The following EPS15 variants were observed in gnomAD, a reference collection of about 807,000 sequenced individuals.
EPS15 encodes epidermal growth factor receptor pathway substrate 15, also known as epidermal growth factor receptor substrate 15.
In EPS15, 72 loss-of-function variants were observed where a neutral mutation model predicts 113.8. The ratio of observed to expected loss-of-function variants is 0.63; its 90% CI spans 0.52 to 0.77. EPS15 has a LOEUF of 0.77. Ranked by LOEUF, EPS15 falls within the 30% of genes least tolerant of loss-of-function variation. The pLI is 0.00. For missense variants in EPS15, 1,048 were observed against 1,045.8 expected (o/e 1.00, Z -0.03); for synonymous variants, 344 against 363.4 (o/e 0.95, Z 0.61).
At chr1:51,458,790 C>A (rs970937715) in intron 8 of EPS15, 2 of 218,152 alleles carry the variant, frequency 9.2e-6, no homozygotes, top group Non-Finnish European at 1.9e-5. Flanking sequence ...TACATCGTAC[C>A]ATGCAAAGAT....
intron 2 of EPS15, 102 bp downstream of exon 2, chr1:51,481,171 C>T (rs1055845241): frequency 6.9e-6 from 5 of 727,548 alleles, no homozygotes; most frequent in Non-Finnish European, 1.2e-5. Context: ...AAACAAGACA[C>T]ATCAAATTTA....
Position 51,403,530 on chromosome 1 carries a change from T to C in EPS15, c.1680A>G (p.Ala560=). 6.4e-7 allele frequency: 1 copy of C among 1,555,942 alleles called. No homozygotes were observed. Among genetic ancestry groups the C allele is most frequent in the Non-Finnish European group, 8.8e-7 (1 of 1,142,642 alleles). The change falls in exon 17 of 25, where the codon GCA becomes GCG. Residue 560 remains alanine, a splice_region_variant and synonymous_variant. Coordinates refer to ENST00000371733, the MANE Select transcript of EPS15 (RefSeq NM_001981.3). The part of the protein sequence containing the change: ...ESEPIHQESP[A]RSSPELLPSG... ...AAGGCAGTAGTTCAGGACTACTTCTTGCCTACAAAATATTAATGCAAGTAG... is the reference window on the plus strand; with the variant it reads ...AAGGCAGTAGTTCAGGACTACTTCTCGCCTACAAAATATTAATGCAAGTAG...
chr1:51,387,800 G>A (rs1647128808), intron 21 of EPS15, among the ~76,000 whole-genome samples: 1 of 152,110 alleles, frequency 6.6e-6, no homozygotes, highest in African/African-American at 2.4e-5. Context: ...CCCAATACAG[G>A]AGCACCCAGA....
At chr1:51,378,117 G>A (rs1251760581) in intron 21 of EPS15, among the ~76,000 whole-genome samples, 1 of 151,850 alleles carries the variant, frequency 6.6e-6, no homozygotes, top group Non-Finnish European at 1.5e-5. Flanking sequence ...GGCTGGTCTT[G>A]AACTCCTGAC....
At chr1:51,368,796 T>C (rs1646571823) in intron 21 of EPS15, among the ~76,000 whole-genome samples, 1 of 151,978 alleles carries the variant, frequency 6.6e-6, no homozygotes, top group African/African-American at 2.4e-5. Flanking sequence ...AGAGACGGGG[T>C]TTCACTATGT....
At chr1:51,451,228 C>A (rs888150895) in intron 8 of EPS15, among the ~76,000 whole-genome samples, 6 of 151,764 alleles carry the variant, frequency 4.0e-5, no homozygotes, top group Non-Finnish European at 1.5e-5. Context: ...GTGGCTCACG[C>A]CTGTAATCCT....
At chr1:51,474,487 G>A (rs958574707) in intron 2 of EPS15, among the ~76,000 whole-genome samples, 1 of 152,082 alleles carries the variant, frequency 6.6e-6, no homozygotes, top group African/African-American at 2.4e-5. Flanking sequence ...CTTCTAATCC[G>A]AGATTCAGCT....
At chr1:51,497,032 T>C (rs963218453) in intron 1 of EPS15, among the ~76,000 whole-genome samples, 3 of 152,192 alleles carry the variant, frequency 2.0e-5, no homozygotes, top group Non-Finnish European at 2.9e-5. Flanking sequence ...AATGAGTAAC[T>C]GAATAACAAG....
At chr1:51,437,410 T>C (rs1299135961) in intron 12 of EPS15, among the ~76,000 whole-genome samples, 1 of 151,874 alleles carries the variant, frequency 6.6e-6, no homozygotes, top group Non-Finnish European at 1.5e-5. Flanking sequence ...TATAAAGTAC[T>C]ACATTCATTA....
intron 8 of EPS15, among the ~76,000 whole-genome samples, chr1:51,451,501 A>AAAAAAAAAAG: frequency 6.9e-6 from 1 of 144,746 alleles, no homozygotes; most frequent in African/African-American, 2.6e-5. Flanking sequence ...AAAAAAAAAA[A>AAAAAAAAAAG]AAAAAAAGAA....
At chr1:51,465,608 A>G (rs1654788937) in intron 5 of EPS15, among the ~76,000 whole-genome samples, 1 of 152,058 alleles carries the variant, frequency 6.6e-6, no homozygotes, top group Non-Finnish European at 1.5e-5. Context: ...ATTTCGGCTC[A>G]CTGCAACCTC....
Position 51,454,928 on chromosome 1 carries a change from C to T in EPS15, c.561+6163G>A, listed in dbSNP as rs1238584423. ...TAAAATCACTCCAAAATTTAAAGTT[C>T]ATTAGGAAAAAAAAAAAAAAGAGCA... On this transcript the variant is annotated intron_variant, in intron 8 of 24. Transcript: ENST00000371733. 1.4e-5 allele frequency among the ~76,000 whole-genome samples: 2 copies of T among 146,950 alleles called. 1 individual carries two copies. The highest frequency in any genetic ancestry group is 4.3e-4 in the South Asian group (2 of 4,680).
chr1:51,419,616 G>T (rs532016117), intron 13 of EPS15, among the ~76,000 whole-genome samples: 1 of 152,192 alleles, frequency 6.6e-6, no homozygotes, highest in South Asian at 2.1e-4. Flanking sequence ...TTAGAAAGTA[G>T]ATCAGAAAGA....
chr1:51,519,203 G>A lies in EPS15; in HGVS notation c.29C>T (p.Thr10Ile). Reference protein sequence around the residue: MAAAAQLSLTQLSSGNPVYE... With the variant: MAAAAQLSLIQLSSGNPVYE... Reference sequence around the variant, plus strand: ...CGGACGGGCGTGTGGCGTTACCTGTGTCAGAGAGAGCTGGGCCGCCGCAGC... The same window carrying A: ...CGGACGGGCGTGTGGCGTTACCTGTATCAGAGAGAGCTGGGCCGCCGCAGC... Residue 10 changes from threonine (T) to isoleucine (I), a missense_variant, in exon 1 of 25, where the codon ACA (threonine) becomes ATA (isoleucine). Thr to Ile is a moderately conservative substitution (Grantham distance 89). Transcript: ENST00000371733. 1 of 1,422,898 alleles carries A rather than the reference G, an allele frequency of 7.0e-7. No homozygotes were observed. The highest frequency in any genetic ancestry group is 9.3e-7 in the Non-Finnish European group (1 of 1,077,340). The allele number at this position is 1,422,898 out of a possible 1,614,324, so 88.1% of individuals were successfully genotyped here. A position where few individuals can be genotyped will look rare whatever the true frequency, so the allele number is the denominator to read the frequency against.
chr1:51,421,413 T>C (rs1360361403), intron 13 of EPS15, among the ~76,000 whole-genome samples: 13 of 151,812 alleles, frequency 8.6e-5, no homozygotes, highest in Admixed American at 7.2e-4. Context: ...ATACTGGTTT[T>C]TGATGATGAT....
chr1:51,426,837 C>CTCTATATATATATA (rs377211027), intron 12 of EPS15, among the ~76,000 whole-genome samples: 3 of 143,568 alleles, frequency 2.1e-5, no homozygotes, highest in Non-Finnish European at 4.6e-5. Flanking sequence ...CTCTCTCTCT[C>CTCTATATATATATA]TATATATATA....
intron 13 of EPS15, 29 bp from the exon 14 acceptor site, chr1:51,409,725 T>C (rs1649519635): frequency 1.3e-6 from 2 of 1,531,488 alleles, no homozygotes; most frequent in Admixed American, 1.9e-5. Flanking sequence ...AATATATTTA[T>C]TTTCTTTGCG....
intron 1 of EPS15, among the ~76,000 whole-genome samples, chr1:51,483,273 ATT>A (rs1644054445): frequency 6.6e-6 from 1 of 152,170 alleles, no homozygotes; most frequent in Non-Finnish European, 1.5e-5. Context: ...ATTACAGCAT[ATT>A]GTTATAATTG....
At chr1:51,471,656 CA>C (rs558733170) in intron 4 of EPS15, 33 bp downstream of exon 4, 4,666 of 1,381,336 alleles carry the variant, frequency 3.4e-3, no homozygotes, top group Admixed American at 4.3e-3. Context: ...TTGAATCACT[CA>C]AAAAAAAAAT....
Sources: gnomAD v4.1 joint callset for allele counts (sites outside exome capture counted in the v4.1 genomes callset) on GRCh38, gnomAD v4.1.1 for gene constraint, MANE v1.5 for transcripts, NCBI Gene and HGNC (gene_info 2026-07-23, HGNC 2026-07-21) for gene names.